CREB5: variants seen among roughly 807,000 people sequenced by gnomAD.
The protein encoded by CREB5 is cAMP responsive element binding protein 5.
A neutral mutation model predicts 57.1 loss-of-function variants in CREB5; 19 were observed. The ratio of observed to expected loss-of-function variants is 0.33; its 90% CI spans 0.23 to 0.49. CREB5 has a LOEUF of 0.49. CREB5 is among the 20% of genes least tolerant of loss of function. The pLI, the probability that CREB5 is intolerant of heterozygous loss-of-function variation, is 0.99. For synonymous variants in CREB5, 238 were observed against 238.3 expected, an observed-to-expected ratio of 1.00 and a Z score of 0.01; for missense variants, 579 against 671.6, an observed-to-expected ratio of 0.86 and a Z score of 1.52.
intron 4 of CREB5, among the ~76,000 whole-genome samples, chr7:28,560,845 C>CGTGTGCGTGCGCGTGCGT (rs1396686194): frequency 2.4e-5 from 1 of 41,318 alleles, no homozygotes; most frequent in African/African-American, 8.0e-5. Context: ...TGTGTGTGTG[C>CGTGTGCGTGCGCGTGCGT]GCGTGTGTGT....
chr7:28,336,077 A>G (rs1785816837), intron 1 of CREB5, among the ~76,000 whole-genome samples: 1 of 152,018 alleles, frequency 6.6e-6, no homozygotes, highest in African/African-American at 2.4e-5. Flanking sequence ...TCTTTTTAAT[A>G]TGGTATAGAA....
chr7:28,475,250 CTTTTTTTTTTTTTTTTTTTTTTT>C (rs530903709), intron 1 of CREB5, among the ~76,000 whole-genome samples: 5 of 59,586 alleles, frequency 8.4e-5, no homozygotes, highest in African/African-American at 3.7e-4. Flanking sequence ...TCAGAAGTTT[CTTTTTTTTTTTTTTTTTTTTTTT>C]TTTTTTTTTT....
At chr7:28,718,668 A>G in intron 5 of CREB5, 85 bp from the exon 6 acceptor site, 3 of 1,558,914 alleles carry the variant, frequency 1.9e-6, no homozygotes, top group Non-Finnish European at 2.6e-6. Flanking sequence ...CACATGTGAC[A>G]TTGTTGTCCC....
At chr7:28,791,004 C>T (rs901301094) in intron 7 of CREB5, among the ~76,000 whole-genome samples, 4 of 152,160 alleles carry the variant, frequency 2.6e-5, no homozygotes, top group Non-Finnish European at 5.9e-5. Flanking sequence ...CAATCTTATG[C>T]ATATGAAAAC....
intron 1 of CREB5, among the ~76,000 whole-genome samples, chr7:28,315,535 G>A (rs1216462077): frequency 3.9e-5 from 6 of 152,192 alleles, no homozygotes; most frequent in African/African-American, 1.4e-4. Flanking sequence ...ACTGAATGAA[G>A]GACTCTGTTC....
intron 1 of CREB5, among the ~76,000 whole-genome samples, chr7:28,351,769 G>GA (rs60469794): frequency 0.26 from 39,045 of 150,116 alleles, 5,272 homozygotes; most frequent in South Asian, 0.35. Context: ...TTATGGTTTA[G>GA]AAAAAAAAAA....
At chr7:28,764,304 T>C (rs1270047365) in intron 7 of CREB5, among the ~76,000 whole-genome samples, 1 of 151,896 alleles carries the variant, frequency 6.6e-6, no homozygotes, top group East Asian at 1.9e-4. Context: ...TAACAAGTTA[T>C]ACAGTTTTAC....
intron 1 of CREB5, among the ~76,000 whole-genome samples, chr7:28,421,852 T>A (rs1562705681): frequency 0.016 from 388 of 24,096 alleles, 4 homozygotes; most frequent in African/African-American, 0.072. Context: ...ACACACTCTC[T>A]CTCTCTATAT....
At chr7:28,781,385 G>A (rs1806962333) in intron 7 of CREB5, among the ~76,000 whole-genome samples, 1 of 152,186 alleles carries the variant, frequency 6.6e-6, no homozygotes, top group South Asian at 2.1e-4. Context: ...AAATGTTAAT[G>A]TGTGGTCTTA....
intron 9 of CREB5, among the ~76,000 whole-genome samples, chr7:28,815,155 C>G (rs563036111): frequency 6.6e-6 from 1 of 152,240 alleles, no homozygotes; most frequent in South Asian, 2.1e-4. Flanking sequence ...TGTCTCTAGT[C>G]CCTGCTACTC....
At chr7:28,510,488 C>CA (rs1056351640) in intron 4 of CREB5, among the ~76,000 whole-genome samples, 2 of 152,150 alleles carry the variant, frequency 1.3e-5, no homozygotes, top group African/African-American at 4.8e-5. Flanking sequence ...GTGTCTTACA[C>CA]AAAAAATATT....
intron 5 of CREB5, among the ~76,000 whole-genome samples, chr7:28,608,627 A>C (rs566865107): frequency 3.5e-4 from 53 of 152,202 alleles, no homozygotes; most frequent in Non-Finnish European, 6.3e-4. Context: ...CTAAAGTCCA[A>C]GGCATAAGGA....
chr7:28,640,870 C>A (rs947252744), intron 5 of CREB5, among the ~76,000 whole-genome samples: 1 of 152,164 alleles, frequency 6.6e-6, no homozygotes, highest in African/African-American at 2.4e-5. Flanking sequence ...CAGCAGCATG[C>A]CCCTGAGAAG....
intron 7 of CREB5, among the ~76,000 whole-genome samples, chr7:28,767,843 C>T (rs1259562797): frequency 1.3e-5 from 2 of 152,202 alleles, no homozygotes; most frequent in Non-Finnish European, 2.9e-5. Flanking sequence ...TTCTAAACAT[C>T]GGTCCTTCCC....
At chr7:28,474,520 C>G (rs1409490860) in intron 1 of CREB5, among the ~76,000 whole-genome samples, 1 of 152,146 alleles carries the variant, frequency 6.6e-6, no homozygotes, top group African/African-American at 2.4e-5. Flanking sequence ...CACTAGTTAA[C>G]TGGGGTGTCC....
chr7:28,746,389 A>T (rs911474856), intron 7 of CREB5, among the ~76,000 whole-genome samples: 1 of 152,202 alleles, frequency 6.6e-6, no homozygotes, highest in Non-Finnish European at 1.5e-5. Context: ...AAATTTTAAT[A>T]ATCTAAGGCC....
In CREB5 at chr7:28,560,909, C is replaced by CGTGTGT. The variant is rs1268332483; in HGVS notation, c.292-9451_292-9450insTGTGTG. Among the ~76,000 whole-genome samples, 69 of 32,662 alleles carry CGTGTGT rather than the reference C, an allele frequency of 2.1e-3. 2 individuals carry two copies. The highest frequency in any genetic ancestry group is 6.6e-3 in the African/African-American group (40 of 6,080). 21.4% of individuals were successfully genotyped at this position (32,662 alleles called of 152,430 possible). On this transcript the variant is annotated intron_variant, in intron 4 of 10. Transcript: ENST00000357727. ...GTGCGTGTGTGTGCGTGCGCGCGTG[C>CGTGTGT]GTGTGCGTGTGTGCGCGTGCGTGTG...
intron 1 of CREB5, among the ~76,000 whole-genome samples, chr7:28,315,119 C>T (rs935044116): frequency 1.3e-5 from 2 of 152,100 alleles, no homozygotes; most frequent in East Asian, 1.9e-4. Flanking sequence ...ATGGAACAGA[C>T]GCTGGGTGAA....
chr7:28,336,787 C>A (rs1369747223), intron 1 of CREB5, among the ~76,000 whole-genome samples: 4 of 151,484 alleles, frequency 2.6e-5, no homozygotes, highest in Non-Finnish European at 1.5e-5. Context: ...ATTGTTAGAT[C>A]GTTTCTTAGA....
Sources: gnomAD v4.1 joint callset for allele counts (sites outside exome capture counted in the v4.1 genomes callset) on GRCh38, gnomAD v4.1.1 for gene constraint, MANE v1.5 for transcripts, NCBI Gene and HGNC (gene_info 2026-07-23, HGNC 2026-07-21) for gene names.